Variants in PCSK2 observed in about 807,000 individuals in gnomAD.
The protein encoded by PCSK2 is neuroendocrine convertase 2.
Under a neutral mutation model 69.7 loss-of-function variants are expected in PCSK2, and 14 were observed. That is an observed-to-expected ratio of 0.20 (90% confidence interval 0.13 to 0.31). The LOEUF (loss-of-function observed/expected upper bound fraction) is 0.31, where lower values mean the gene tolerates loss of function less well. PCSK2 is among the 10% of genes least tolerant of loss of function. The pLI, the probability that PCSK2 is intolerant of heterozygous loss-of-function variation, is 1.00. For synonymous variants in PCSK2, 307 were observed against 320.7 expected (o/e 0.96, Z 0.46); for missense variants, 544 against 842.5 (o/e 0.65, Z 4.39).
chr20:17,455,108 A>T (rs1307221897), intron 9 of PCSK2, among the ~76,000 whole-genome samples: 1 of 152,060 alleles, frequency 6.6e-6, no homozygotes, highest in African/African-American at 2.4e-5. Flanking sequence ...CTTCACTCTC[A>T]CGCCTGAAAG....
chr20:17,253,353 A>G (rs1254175606), intron 1 of PCSK2, among the ~76,000 whole-genome samples: 1 of 150,054 alleles, frequency 6.7e-6, no homozygotes, highest in African/African-American at 2.5e-5. Context: ...GACCATTAAC[A>G]ATCACTCTTC....
At chr20:17,321,780 T>C (rs998562737) in intron 2 of PCSK2, among the ~76,000 whole-genome samples, 2 of 152,082 alleles carry the variant, frequency 1.3e-5, no homozygotes, top group Non-Finnish European at 2.9e-5. Context: ...ATTCCGACAT[T>C]CCAAGAACTA....
intron 11 of PCSK2, among the ~76,000 whole-genome samples, chr20:17,466,247 A>G (rs1600602473): frequency 6.6e-6 from 1 of 152,250 alleles, no homozygotes; most frequent in African/African-American, 2.4e-5. Context: ...TTCTAACTCC[A>G]TAGCTTAACT....
chr20:17,250,391 A>G (rs1472219492), intron 1 of PCSK2, among the ~76,000 whole-genome samples: 2 of 152,186 alleles, frequency 1.3e-5, no homozygotes, highest in African/African-American at 4.8e-5. Flanking sequence ...TTGGTGAGAA[A>G]ATCACATGAA....
rs1007365408 is a variant in PCSK2, at chr20:17,482,105, C to G, written c.*35C>G. The G allele has an allele frequency of 9.9e-6, 15 of 1,522,198 alleles. No homozygotes were observed. Among genetic ancestry groups the G allele is most frequent in the Non-Finnish European group, 1.3e-5 (15 of 1,138,430 alleles). The allele number at this position is 1,522,198 out of a possible 1,614,324, so 94.3% of individuals were successfully genotyped here. On this transcript the variant is annotated 3_prime_UTR_variant, in exon 12 of 12. Transcript: ENST00000262545. Reference sequence around the variant, plus strand: ...TCCGCCTTTCCCACCGCCCTCCCTCCCCAGCTCCGCCTCTGTCCTCGCTCC... The same window carrying G: ...TCCGCCTTTCCCACCGCCCTCCCTCGCCAGCTCCGCCTCTGTCCTCGCTCC...
At chr20:17,435,926 G>T (rs2032475957) in intron 7 of PCSK2, among the ~76,000 whole-genome samples, 1 of 152,196 alleles carries the variant, frequency 6.6e-6, no homozygotes, top group African/African-American at 2.4e-5. Context: ...CACCAGCTCT[G>T]CGGGGGCAGC....
chr20:17,293,986 A>T (rs1372116761), intron 2 of PCSK2, among the ~76,000 whole-genome samples: 1 of 150,038 alleles, frequency 6.7e-6, no homozygotes, highest in Non-Finnish European at 1.5e-5. Context: ...CTTACTGTCT[A>T]TTTAGGTTTC....
intron 1 of PCSK2, among the ~76,000 whole-genome samples, chr20:17,231,594 C>T (rs982857925): frequency 6.6e-6 from 1 of 152,204 alleles, no homozygotes; most frequent in Non-Finnish European, 1.5e-5. Flanking sequence ...GATATGCATG[C>T]ATACAGCTTT....
At chr20:17,422,003 G>A (rs1373014149) in intron 6 of PCSK2, among the ~76,000 whole-genome samples, 1 of 152,054 alleles carries the variant, frequency 6.6e-6, no homozygotes, top group African/African-American at 2.4e-5. Flanking sequence ...GTTATTTTTA[G>A]TTTGTTCAGA....
Position 17,251,527 on chromosome 20 carries a change from A to AG in PCSK2, c.178-8710dup, listed in dbSNP as rs1986978407. Among the ~76,000 whole-genome samples, 4 of 152,378 alleles carry AG rather than the reference A, an allele frequency of 2.6e-5. No individual in the cohort carries two copies. The South Asian group carries it at 8.3e-4, about 32-fold the overall frequency. On this transcript the variant is annotated intron_variant, in intron 1 of 11. Transcript: ENST00000262545. ...GAGTCCAGGCCTGTCCCCCTGTGCC[A>AG]GGGATGTCCCTTGAGAGCCTTTATC...
In PCSK2 at chr20:17,413,358, CA is replaced by C. The variant is rs531509129; in HGVS notation, c.620+4027del. ...GAAGATCTACCAAGCAAATGGAAAA[CA>C]AAAAAAACACAAGGGTTGCAATTCT... On this transcript the variant is annotated intron_variant, in intron 6 of 11. Coordinates refer to ENST00000262545, the MANE Select transcript of PCSK2 (RefSeq NM_002594.5). 4.9e-3 allele frequency among the ~76,000 whole-genome samples: 745 copies of C among 151,176 alleles called. 2 individuals are homozygous for C. The highest frequency in any genetic ancestry group is 0.017 in the African/African-American group (686 of 41,248).
intron 2 of PCSK2, among the ~76,000 whole-genome samples, chr20:17,261,874 G>C (rs953407767): frequency 1.3e-5 from 2 of 152,178 alleles, no homozygotes; most frequent in Admixed American, 1.3e-4. Flanking sequence ...AGTCCCATTG[G>C]CTACTCTTCT....
At chr20:17,374,205 C>T (rs538243841) in intron 5 of PCSK2, among the ~76,000 whole-genome samples, 83 of 152,210 alleles carry the variant, frequency 5.5e-4, no homozygotes, top group African/African-American at 1.9e-3. Flanking sequence ...CTAGAGAAGT[C>T]GGCAGGTCAG....
At chr20:17,436,974 C>T in intron 8 of PCSK2, 91 bp downstream of exon 8, 2 of 1,153,356 alleles carry the variant, frequency 1.7e-6, no homozygotes, top group Non-Finnish European at 2.4e-6. Flanking sequence ...CCACTGTCAC[C>T]CTGTGTGTGA....
intron 2 of PCSK2, among the ~76,000 whole-genome samples, chr20:17,325,589 A>T (rs1411339225): frequency 6.6e-6 from 1 of 152,270 alleles, no homozygotes; most frequent in Non-Finnish European, 1.5e-5. Context: ...AACAAATGTA[A>T]CAAGTGTCTC....
At chr20:17,454,279 G>C (rs1012164666) in intron 9 of PCSK2, among the ~76,000 whole-genome samples, 2 of 152,172 alleles carry the variant, frequency 1.3e-5, no homozygotes, top group African/African-American at 2.4e-5. Context: ...TCACTTACAA[G>C]AATAACTAAC....
At chr20:17,330,404 C>A (rs1399594489) in intron 2 of PCSK2, among the ~76,000 whole-genome samples, 1 of 151,948 alleles carries the variant, frequency 6.6e-6, no homozygotes, top group Non-Finnish European at 1.5e-5. Context: ...CCAGCCTGAC[C>A]AACATGGCGA....
At chr20:17,377,491 C>T (rs115357642) in intron 5 of PCSK2, among the ~76,000 whole-genome samples, 2,298 of 152,322 alleles carry the variant, frequency 0.015, 62 homozygotes, top group African/African-American at 0.053. Context: ...AGCAAGAAAC[C>T]GGCACAGTAC....
intron 1 of PCSK2, among the ~76,000 whole-genome samples, chr20:17,230,026 G>A (rs116483379): frequency 0.015 from 2,318 of 152,286 alleles, 77 homozygotes; most frequent in African/African-American, 0.053. Context: ...CCTGTAACCA[G>A]CACATTACTG....
Sources: allele counts gnomAD v4.1 joint callset (sites outside exome capture counted in the v4.1 genomes callset), GRCh38; gene constraint gnomAD v4.1.1; transcripts MANE v1.5; gene names NCBI Gene and HGNC (gene_info 2026-07-23, HGNC 2026-07-21).